The following ANKRD11 variants were observed in gnomAD, a reference collection of about 807,000 sequenced individuals.
The protein encoded by ANKRD11 is ankyrin repeat domain 11, also known as ankyrin repeat domain-containing protein 11.
A neutral mutation model predicts 195.7 loss-of-function variants in ANKRD11; 17 were observed. The observed-to-expected ratio is 0.09, with a 90% CI of 0.06 to 0.13. The LOEUF (loss-of-function observed/expected upper bound fraction) is 0.13. ANKRD11 is among the 10% of genes least tolerant of loss of function. ANKRD11 has a pLI of 1.00. For synonymous variants in ANKRD11, 1,953 were observed against 1,528.1 expected, an observed-to-expected ratio of 1.28 and a Z score of -6.49; for missense variants, 3,735 against 3,566.1, an observed-to-expected ratio of 1.05 and a Z score of -1.21.
rs576394931 is a variant in ANKRD11, at chr16:89,273,006, G to T, written c.7713+1808C>A. ...GTTACCAGAGGCTGGGAAGGGTTGT[G>T]GGGGGCTGGCAGGGAGGTAGAAGTG... On this transcript the variant is annotated intron_variant, in intron 11 of 12. Transcript: ENST00000301030. 10 of 150,820 alleles carry T rather than the reference G, an allele frequency of 6.6e-5. No individual in the cohort carries two copies. The East Asian group carries it at 1.8e-3, about 26-fold the overall frequency. The allele number at this position is 150,820 out of a possible 1,614,324, so 9.3% of individuals were successfully genotyped here. A position where few individuals can be genotyped will look rare whatever the true frequency, so the allele number is the denominator to read the frequency against.
At chr16:89,300,819 G>C (rs901934877) in intron 4 of ANKRD11, 1 of 700,262 alleles carries the variant, frequency 1.4e-6, no homozygotes, top group African/African-American at 1.7e-5. Flanking sequence ...GTCATTCACA[G>C]GTCAAAGCAA....
At chr16:89,444,196 T>C (rs1488637425) in intron 1 of ANKRD11, among the ~76,000 whole-genome samples, 1 of 151,952 alleles carries the variant, frequency 6.6e-6, no homozygotes, top group African/African-American at 2.4e-5. Context: ...ATGCAAGTTT[T>C]AAAATCACAA....
chr16:89,305,399 C>G, intron 3 of ANKRD11, 55 bp from the exon 4 acceptor site: 1 of 1,612,010 alleles, frequency 6.2e-7, no homozygotes, highest in Non-Finnish European at 8.5e-7. Flanking sequence ...TTCTCAAGCT[C>G]TCAAGATTTT....
chr16:89,487,507 G>A (rs2057660047), intron 1 of ANKRD11, among the ~76,000 whole-genome samples: 2 of 152,196 alleles, frequency 1.3e-5, no homozygotes, highest in Non-Finnish European at 2.9e-5. Flanking sequence ...CGGGCGCGGT[G>A]GCTCACGCCT....
Position 89,286,657 on chromosome 16 carries a change from C to T in ANKRD11, c.745-471G>A, listed in dbSNP as rs955411341. The stretch of plus-strand genomic sequence containing the variant: ...GGGACAGAATAGAGGAAACAAAGAC[C>T]AAGTTTCTGCAAGCTGCTTTATTTT... On this transcript the variant is annotated intron_variant, in intron 7 of 12. Coordinates refer to ENST00000301030, the MANE Select transcript of ANKRD11 (RefSeq NM_013275.6). 1.4e-5 allele frequency: 17 copies of T among 1,226,284 alleles called. No homozygotes were observed. The African/African-American group carries it at 2.5e-4, about 18-fold the overall frequency. 76.0% of individuals were successfully genotyped at this position (1,226,284 alleles called of 1,614,324 possible).
intron 2 of ANKRD11, among the ~76,000 whole-genome samples, chr16:89,336,646 A>G (rs2038368548): frequency 6.6e-6 from 1 of 151,994 alleles, no homozygotes; most frequent in African/African-American, 2.4e-5. Flanking sequence ...TGGGCACCAC[A>G]CCCCCCGGGT....
At chr16:89,303,461 A>G (rs3102347) in intron 4 of ANKRD11, among the ~76,000 whole-genome samples, 132,034 of 152,182 alleles carry the variant, frequency 0.87, 57,571 homozygotes, top group Middle Eastern at 0.96. Flanking sequence ...CCATCCACAC[A>G]TTCTGTCCAC....
At chr16:89,441,081 CA>C (rs2043438398) in intron 1 of ANKRD11, among the ~76,000 whole-genome samples, 1 of 151,606 alleles carries the variant, frequency 6.6e-6, no homozygotes, top group Non-Finnish European at 1.5e-5. Flanking sequence ...ACTAAAAATA[CA>C]AAAATTAGCC....
chr16:89,278,364 A>T, intron 9 of ANKRD11: 1 of 368,328 alleles, frequency 2.7e-6, no homozygotes, highest in East Asian at 7.4e-5. Flanking sequence ...GAGAGTGCAC[A>T]GGGCAGGCAG....
chr16:89,478,017 T>C (rs2057314114), intron 1 of ANKRD11, among the ~76,000 whole-genome samples: 1 of 152,224 alleles, frequency 6.6e-6, no homozygotes, highest in Admixed American at 6.5e-5. Context: ...TATGTATTCT[T>C]TCTATTCCAA....
chr16:89,316,472 C>T (rs72803334), intron 3 of ANKRD11, among the ~76,000 whole-genome samples: 3,141 of 152,334 alleles, frequency 0.021, 44 homozygotes, highest in Non-Finnish European at 0.035. Context: ...AGTCTGCACA[C>T]CAGGAATCAG....
At chr16:89,315,169 A>G (rs1159789501) in intron 3 of ANKRD11, among the ~76,000 whole-genome samples, 1 of 152,212 alleles carries the variant, frequency 6.6e-6, no homozygotes, top group East Asian at 1.9e-4. Context: ...GGCATGGAGC[A>G]TGCTGAAGCC....
intron 2 of ANKRD11, among the ~76,000 whole-genome samples, chr16:89,382,539 C>T (rs1311396441): frequency 6.6e-6 from 1 of 152,030 alleles, no homozygotes; most frequent in African/African-American, 2.4e-5. Context: ...GTTGGCCAGG[C>T]TGGTCTCGAA....
chr16:89,285,980 A>AGT lies in ANKRD11; in HGVS notation c.892+58_892+59insAC, dbSNP rs1167409295. On this transcript the variant is annotated intron_variant, in intron 8 of 12. Transcript: ENST00000301030. This position sits in a 1 kb window ranked among gnomAD's most constrained non-coding sequence, Gnocchi z 5.6. The stretch of plus-strand genomic sequence containing the variant: ...AGGGGCAACACTGTGCAAACACCAC[A>AGT]GGGCAGCTCCTACCATCCCTGCATA... The AGT allele has an allele frequency of 1.2e-6, 2 of 1,610,990 alleles. No individual in the cohort carries two copies. Among genetic ancestry groups the AGT allele is most frequent in the Admixed American group, 1.7e-5 (1 of 60,026 alleles).
intron 11 of ANKRD11, 95 bp downstream of exon 11, chr16:89,274,719 G>A: frequency 6.4e-7 from 1 of 1,565,290 alleles, no homozygotes; most frequent in Non-Finnish European, 8.7e-7. Context: ...CACCCGGGAA[G>A]CTCCTGGTCA....
intron 2 of ANKRD11, among the ~76,000 whole-genome samples, chr16:89,361,208 G>A (rs898351179): frequency 2.6e-5 from 4 of 152,160 alleles, no homozygotes; most frequent in African/African-American, 9.7e-5. Flanking sequence ...GCACCCCTTA[G>A]GAAACCCCAG....
intron 1 of ANKRD11, among the ~76,000 whole-genome samples, chr16:89,486,252 C>T (rs2057609814): frequency 6.6e-6 from 1 of 152,022 alleles, no homozygotes; most frequent in African/African-American, 2.4e-5. Context: ...GAGGCCTACA[C>T]AACACAGGAA....
intron 2 of ANKRD11, among the ~76,000 whole-genome samples, chr16:89,394,879 T>C (rs979875199): frequency 6.6e-6 from 1 of 152,184 alleles, no homozygotes; most frequent in African/African-American, 2.4e-5. Context: ...AGGTTGGCTG[T>C]AGCACTGTTG....
Position 89,316,977 on chromosome 16 carries a change from G to C in ANKRD11, c.43C>G (p.Leu15Val), listed in dbSNP as rs2036998295. 1 of 1,613,914 alleles carries C rather than the reference G, an allele frequency of 6.2e-7. No homozygotes were observed. The highest frequency in any genetic ancestry group is 8.5e-7 in the Non-Finnish European group (1 of 1,179,938). ...GCPKAPQQEE[L>V]PLSSDMVEKQ... Reference sequence around the variant, plus strand: ...TCCACCATGTCGCTGCTGAGGGGAAGCTCTTCCTGCTGTGGTGCTTTAGGG... The same window carrying C: ...TCCACCATGTCGCTGCTGAGGGGAACCTCTTCCTGCTGTGGTGCTTTAGGG... Residue 15 changes from leucine to valine, a missense_variant, in exon 3 of 13, where the codon CTT becomes GTT. Transcript: ENST00000301030.
Sources: allele counts gnomAD v4.1 joint callset (sites outside exome capture counted in the v4.1 genomes callset), GRCh38; gene constraint gnomAD v4.1.1; non-coding constraint Gnocchi (gnomAD v3.1); transcripts MANE v1.5; gene names NCBI Gene and HGNC (gene_info 2026-07-23, HGNC 2026-07-21).